The following ARHGAP24 variants were observed in gnomAD, a reference collection of about 807,000 sequenced individuals.
The protein encoded by ARHGAP24 is rho GTPase-activating protein 24.
Under a neutral mutation model 76.4 loss-of-function variants are expected in ARHGAP24, and 50 were observed. That is an observed-to-expected ratio of 0.65 (90% confidence interval 0.52 to 0.83). The LOEUF (loss-of-function observed/expected upper bound fraction) is 0.83, where lower values mean the gene tolerates loss of function less well. ARHGAP24 is among the 40% of genes least tolerant of loss of function. The pLI is 0.00. For missense variants in ARHGAP24, 930 were observed against 914.2 expected (o/e 1.02, Z -0.22); for synonymous variants, 345 against 323.3 (o/e 1.07, Z -0.72).
chr4:85,628,095 G>A (rs985106769), intron 2 of ARHGAP24, among the ~76,000 whole-genome samples: 4 of 152,108 alleles, frequency 2.6e-5, no homozygotes, highest in African/African-American at 9.7e-5. Flanking sequence ...TGCACCTACT[G>A]TCTGGCACTC....
intron 3 of ARHGAP24, among the ~76,000 whole-genome samples, chr4:85,824,656 T>C (rs1027625557): frequency 1.2e-4 from 16 of 135,856 alleles, no homozygotes; most frequent in African/African-American, 4.2e-4. Context: ...CTTTTCCATA[T>C]ATGATTCTAA....
intron 3 of ARHGAP24, among the ~76,000 whole-genome samples, chr4:85,870,551 G>C (rs369546133): frequency 6.6e-6 from 1 of 152,246 alleles, no homozygotes; most frequent in African/African-American, 2.4e-5. Flanking sequence ...AACCTTTTCA[G>C]CATTAAATTC....
At chr4:85,935,698 C>T (rs890012234) in intron 4 of ARHGAP24, among the ~76,000 whole-genome samples, 1 of 152,142 alleles carries the variant, frequency 6.6e-6, no homozygotes. Flanking sequence ...AAGGGACCCC[C>T]TTGTAGGATG....
intron 3 of ARHGAP24, among the ~76,000 whole-genome samples, chr4:85,911,377 A>G (rs1166312649): frequency 6.6e-6 from 1 of 152,230 alleles, no homozygotes; most frequent in Non-Finnish European, 1.5e-5. Flanking sequence ...GCCATCAATA[A>G]TACATAACCA....
intron 2 of ARHGAP24, among the ~76,000 whole-genome samples, chr4:85,622,000 A>G (rs180762758): frequency 2.1e-4 from 32 of 151,250 alleles, no homozygotes; most frequent in Admixed American, 1.7e-3. Flanking sequence ...CTCGCTTAGA[A>G]CTTCTTTTGC....
rs1191805621 is a variant in ARHGAP24, at chr4:85,540,281, AGTG to A, written c.-20-30238_-20-30236del. On this transcript the variant is annotated intron_variant, in intron 1 of 9. Coordinates refer to ENST00000395184, the MANE Select transcript of ARHGAP24 (RefSeq NM_001025616.3). The stretch of plus-strand genomic sequence containing the variant: ...AATAAAATTTTTAAAAATCTAATGT[AGTG>A]GTATTTCAAATCAATATTCAATAAG... 3.9e-5 allele frequency among the ~76,000 whole-genome samples: 6 copies of A among 152,246 alleles called. No individual in the cohort carries two copies. The East Asian group carries it at 1.2e-3, about 29-fold the overall frequency.
intron 2 of ARHGAP24, among the ~76,000 whole-genome samples, chr4:85,614,436 A>G (rs936673140): frequency 3.3e-5 from 5 of 152,056 alleles, no homozygotes; most frequent in Non-Finnish European, 5.9e-5. Flanking sequence ...GATCGCATCT[A>G]GAGGAATTGC....
intron 2 of ARHGAP24, among the ~76,000 whole-genome samples, chr4:85,706,015 CA>C (rs1724295337): frequency 1.3e-5 from 2 of 152,052 alleles, no homozygotes; most frequent in South Asian, 2.1e-4. Context: ...CCAATGGTTG[CA>C]GGGGAGAGGG....
intron 2 of ARHGAP24, among the ~76,000 whole-genome samples, chr4:85,720,116 G>C (rs1485082060): frequency 6.6e-6 from 1 of 151,940 alleles, no homozygotes; most frequent in Non-Finnish European, 1.5e-5. Flanking sequence ...GCCTGTTGTG[G>C]GGTGGGGGGA....
chr4:85,559,183 C>T (rs1726501354), intron 1 of ARHGAP24, among the ~76,000 whole-genome samples: 1 of 152,194 alleles, frequency 6.6e-6, no homozygotes, highest in South Asian at 2.1e-4. Context: ...AGCTCTCCTT[C>T]ATTACTGCCA....
chr4:85,855,565 G>T (rs541059645), intron 3 of ARHGAP24, among the ~76,000 whole-genome samples: 1 of 152,140 alleles, frequency 6.6e-6, no homozygotes, highest in South Asian at 2.1e-4. Flanking sequence ...AATTAGCTGG[G>T]TGTATCACCT....
intron 3 of ARHGAP24, among the ~76,000 whole-genome samples, chr4:85,899,205 A>G (rs925318787): frequency 6.6e-6 from 1 of 152,242 alleles, no homozygotes; most frequent in African/African-American, 2.4e-5. Flanking sequence ...TTTTGTAAAG[A>G]AAAAATATTT....
At chr4:85,883,788 T>A (rs909689099) in intron 3 of ARHGAP24, among the ~76,000 whole-genome samples, 3 of 152,160 alleles carry the variant, frequency 2.0e-5, no homozygotes, top group African/African-American at 7.2e-5. Context: ...TATGAAGCCA[T>A]ACAAACTTTA....
chr4:85,696,325 G>A (rs1187991845), intron 2 of ARHGAP24, among the ~76,000 whole-genome samples: 3 of 151,854 alleles, frequency 2.0e-5, no homozygotes, highest in Non-Finnish European at 4.4e-5. Context: ...AATACATATT[G>A]AATGTATTTA....
chr4:85,492,586 C>T (rs1018725853), intron 1 of ARHGAP24, among the ~76,000 whole-genome samples: 21 of 152,204 alleles, frequency 1.4e-4, no homozygotes, highest in African/African-American at 5.1e-4. Context: ...AATTGCCAAA[C>T]GGGATAACAT....
intron 3 of ARHGAP24, among the ~76,000 whole-genome samples, chr4:85,859,805 G>A (rs960548289): frequency 3.9e-5 from 6 of 152,156 alleles, no homozygotes; most frequent in South Asian, 2.1e-4. Flanking sequence ...GCAGCAGGTG[G>A]GAAGAAACAG....
At chr4:85,595,249 C>A (rs1054459252) in intron 2 of ARHGAP24, among the ~76,000 whole-genome samples, 7 of 152,076 alleles carry the variant, frequency 4.6e-5, no homozygotes, top group African/African-American at 1.7e-4. Context: ...CCTTTCCATG[C>A]AGAGACCCAG....
At chr4:85,495,414 G>A (rs1275739490) in intron 1 of ARHGAP24, among the ~76,000 whole-genome samples, 1 of 135,492 alleles carries the variant, frequency 7.4e-6, no homozygotes, top group Non-Finnish European at 1.5e-5. Flanking sequence ...GTAGTGGCGC[G>A]ATCTCGGCTC....
chr4:85,496,778 G>A (rs1723600701), intron 1 of ARHGAP24, among the ~76,000 whole-genome samples: 2 of 152,340 alleles, frequency 1.3e-5, no homozygotes, highest in South Asian at 4.1e-4. Context: ...ACGGACACTA[G>A]CACCCATACT....
Sources: allele counts gnomAD v4.1 joint callset (sites outside exome capture counted in the v4.1 genomes callset), GRCh38; gene constraint gnomAD v4.1.1; transcripts MANE v1.5; gene names NCBI Gene and HGNC (gene_info 2026-07-23, HGNC 2026-07-21).